RPS6KA6: variants seen among roughly 807,000 people sequenced by gnomAD.
The protein encoded by RPS6KA6 is ribosomal protein S6 kinase alpha-6.
In RPS6KA6, 27 loss-of-function variants were observed where a neutral mutation model predicts 65.4. The observed-to-expected ratio is 0.41, with a 90% CI of 0.30 to 0.57. The LOEUF (loss-of-function observed/expected upper bound fraction) is 0.57. RPS6KA6 is among the 20% of genes least tolerant of loss of function. The probability of loss-of-function intolerance (pLI) is 0.24; values close to 1 mark genes in which losing one functional copy is unlikely to be tolerated. For synonymous variants in RPS6KA6, 190 were observed against 184.2 expected (o/e 1.03, Z -0.26); for missense variants, 486 against 555.6 (o/e 0.87, Z 1.26).
intron 20 of RPS6KA6, among the ~76,000 whole-genome samples, chrX:84,081,864 A>C (rs752699218): frequency 4.5e-4 from 50 of 111,606 alleles, no homozygotes; most frequent in African/African-American, 1.6e-3. Flanking sequence ...ATCTTAACAG[A>C]TCCAGAAAAG....
intron 4 of RPS6KA6, 137 bp downstream of exon 4, chrX:84,147,905 C>T (rs2035227699): frequency 5.3e-6 from 2 of 380,674 alleles, no homozygotes; most frequent in Non-Finnish European, 9.2e-6. Context: ...GTAATATTAC[C>T]TACAGGTTAG....
chrX:84,167,526 C>T (rs1433600247), intron 1 of RPS6KA6, among the ~76,000 whole-genome samples: 1 of 110,351 alleles, frequency 9.1e-6, no homozygotes, highest in African/African-American at 3.3e-5. Context: ...ATTGGTTCAA[C>T]GGGTTGGGGG....
At chrX:84,134,551 A>G (rs1340951595) in intron 8 of RPS6KA6, among the ~76,000 whole-genome samples, 1 of 111,200 alleles carries the variant, frequency 9.0e-6, no homozygotes, top group Non-Finnish European at 1.9e-5. Context: ...TTACCTAGAA[A>G]ACGATCATTT....
At chrX:84,067,089 A>C (rs1423565550) in intron 20 of RPS6KA6, among the ~76,000 whole-genome samples, 1 of 111,862 alleles carries the variant, frequency 8.9e-6, no homozygotes, top group African/African-American at 3.3e-5. Context: ...ACATCAACAA[A>C]AATAACTCCC....
chrX:84,093,393 TA>T (rs1297369525), intron 20 of RPS6KA6, among the ~76,000 whole-genome samples: 1 of 112,080 alleles, frequency 8.9e-6, no homozygotes, highest in Non-Finnish European at 1.9e-5. Context: ...GTAGAACTGT[TA>T]AAAGGTACAT....
chrX:84,177,807 T>C (rs750465678), intron 1 of RPS6KA6, among the ~76,000 whole-genome samples: 1 of 111,932 alleles, frequency 8.9e-6, no homozygotes, highest in Admixed American at 9.5e-5. Context: ...AAAATATAAA[T>C]TTTTTGAGAC....
chrX:84,188,458 A>C (rs1046182616), upstream of RPS6KA6, among the ~76,000 whole-genome samples: 1 of 111,259 alleles, frequency 9.0e-6, no homozygotes, highest in African/African-American at 3.3e-5. Flanking sequence ...ACTGAACAGT[A>C]GTAAAAGCCC....
chrX:84,136,606 C>T (rs1012386008), intron 6 of RPS6KA6, among the ~76,000 whole-genome samples: 5 of 111,037 alleles, frequency 4.5e-5, no homozygotes, highest in African/African-American at 1.3e-4. Flanking sequence ...AAAGCTAATA[C>T]GTAAGAAAAC....
rs2033317171 is a variant in RPS6KA6 at position 84,062,524 on chromosome X, AAGCC to A, written c.*1749_*1752del. The A allele has an allele frequency of 9.0e-6, 1 of 111,670 alleles. No individual in the cohort carries two copies. Among genetic ancestry groups the A allele is most frequent in the African/African-American group, 3.2e-5 (1 of 30,807 alleles). The allele number at this position is 111,670 out of a possible 1,213,427, so 9.2% of individuals were successfully genotyped here. A position where few individuals can be genotyped will look rare whatever the true frequency, so the allele number is the denominator to read the frequency against. On this transcript the variant is annotated 3_prime_UTR_variant, in exon 22 of 22. Transcript: ENST00000262752. ...AAAAAAAGCCAAAATGGAACATAAA[AAGCC>A]ATAAGACATGATACCTAACTACTTC... is the stretch of plus-strand genomic sequence containing the variant.
intron 12 of RPS6KA6, among the ~76,000 whole-genome samples, chrX:84,108,213 T>C (rs1477128064): frequency 8.9e-6 from 1 of 112,236 alleles, no homozygotes; most frequent in African/African-American, 3.2e-5. Context: ...AGAAAATTTC[T>C]AATAATATAT....
At chrX:84,167,291 T>C (rs2035612499) in intron 1 of RPS6KA6, among the ~76,000 whole-genome samples, 1 of 112,062 alleles carries the variant, frequency 8.9e-6, no homozygotes, top group Non-Finnish European at 1.9e-5. Context: ...TTGTCATAAA[T>C]TGGAAACAAT....
chrX:84,126,484 T>C (rs1315893541), intron 8 of RPS6KA6, among the ~76,000 whole-genome samples: 5 of 111,391 alleles, frequency 4.5e-5, no homozygotes, highest in South Asian at 3.7e-4. Flanking sequence ...ATCTGCACCA[T>C]AGAAAAAGTG....
At chrX:84,167,410 C>T (rs1469733590) in intron 1 of RPS6KA6, among the ~76,000 whole-genome samples, 1 of 111,761 alleles carries the variant, frequency 8.9e-6, no homozygotes, top group African/African-American at 3.2e-5. Context: ...ATCTTAAAAG[C>T]GTTTCTGCTA....
intron 18 of RPS6KA6, among the ~76,000 whole-genome samples, chrX:84,101,687 A>C (rs1158071727): frequency 3.6e-5 from 4 of 110,783 alleles, no homozygotes; most frequent in African/African-American, 1.3e-4. Context: ...GTCTTGAATA[A>C]GTCATTGAAG....
rs145566941 is a variant in RPS6KA6 at position 84,070,203 on chromosome X, T to C, written c.1972-5092A>G. The stretch of plus-strand genomic sequence containing the variant: ...GACTGGATGAAGAATAAATGGCACA[T>C]ATACAACATGGAATATTATGCAGCC... On this transcript the variant is annotated intron_variant, in intron 20 of 21. Transcript: ENST00000262752. 9.7e-3 allele frequency among the ~76,000 whole-genome samples: 1,084 copies of C among 111,954 alleles called. 17 individuals carry two copies. Among genetic ancestry groups the C allele is most frequent in the African/African-American group, 0.034 (1,041 of 30,806 alleles).
At chrX:84,127,811 A>C (rs1204323607) in intron 8 of RPS6KA6, among the ~76,000 whole-genome samples, 1 of 110,358 alleles carries the variant, frequency 9.1e-6, no homozygotes, top group Non-Finnish European at 1.9e-5. Flanking sequence ...TGGGTATAGA[A>C]GGAACATGCT....
At position 84,122,087 on chromosome X, in the gene RPS6KA6, G is replaced by A. The variant is rs142248787; in HGVS notation, c.647-2060C>T. On this transcript the variant is annotated intron_variant, in intron 8 of 21. Coordinates refer to ENST00000262752, the MANE Select transcript of RPS6KA6 (RefSeq NM_014496.5). ...CACCATCACAAGAATCAAAAATCGG[G>A]TGAGTAATCACAGTACTTAGTTTTA... Among the ~76,000 whole-genome samples the A allele has an allele frequency of 2.8e-3, 311 of 112,296 alleles. 7 individuals are homozygous for A. The East Asian group carries it at 0.033, about 12-fold the overall frequency.
At chrX:84,119,360 C>T (rs960071965) in intron 9 of RPS6KA6, among the ~76,000 whole-genome samples, 1 of 111,745 alleles carries the variant, frequency 8.9e-6, no homozygotes, top group African/African-American at 3.2e-5. Context: ...CTGACTACTG[C>T]AAATTCTATG....
At chrX:84,099,169 A>G (rs768362704) in intron 18 of RPS6KA6, among the ~76,000 whole-genome samples, 1 of 111,013 alleles carries the variant, frequency 9.0e-6, no homozygotes, top group Non-Finnish European at 1.9e-5. Context: ...TGTAGGTACC[A>G]TATACTCCTA....
Sources: gnomAD v4.1 joint callset for allele counts (sites outside exome capture counted in the v4.1 genomes callset) on GRCh38, gnomAD v4.1.1 for gene constraint, MANE v1.5 for transcripts, NCBI Gene and HGNC (gene_info 2026-07-23, HGNC 2026-07-21) for gene names.